The following ARHGAP26 variants were observed in gnomAD, a reference collection of about 807,000 sequenced individuals.
ARHGAP26 encodes Rho GTPase activating protein 26.
Under a neutral mutation model 104.8 loss-of-function variants are expected in ARHGAP26, and 38 were observed. The observed-to-expected ratio is 0.36, with a 90% CI of 0.28 to 0.48. The LOEUF (loss-of-function observed/expected upper bound fraction) is 0.48. Ranked by LOEUF, ARHGAP26 falls within the 20% of genes least tolerant of loss-of-function variation. The pLI is 0.99. For missense variants in ARHGAP26, 704 were observed against 947.9 expected (o/e 0.74, Z 3.38); for synonymous variants, 341 against 340.0 (o/e 1.00, Z -0.03).
At chr5:143,155,401 C>A (rs1015139617) in intron 20 of ARHGAP26, among the ~76,000 whole-genome samples, 1 of 152,218 alleles carries the variant, frequency 6.6e-6, no homozygotes, top group African/African-American at 2.4e-5. Flanking sequence ...TTTCCCTAAG[C>A]AAGATCTCAC....
chr5:143,060,010 C>T (rs1381809667), intron 17 of ARHGAP26, among the ~76,000 whole-genome samples: 1 of 152,210 alleles, frequency 6.6e-6, no homozygotes, highest in Non-Finnish European at 1.5e-5. Flanking sequence ...AATTCTTTGG[C>T]ATCCAGAGGA....
rs75594575 is a variant in ARHGAP26, at chr5:143,025,562, C to T, written c.1144+11446C>T. Among the ~76,000 whole-genome samples, 374 of 152,344 alleles carry T rather than the reference C, an allele frequency of 2.5e-3. 1 individual carries two copies. The highest frequency in any genetic ancestry group is 8.2e-3 in the African/African-American group (343 of 41,582). ...TTGAGGCCACTGTGTAATTCATTCT[C>T]AGAATGTCCAGATCCCCATGTAGGA... On this transcript the variant is annotated intron_variant, in intron 12 of 22. Transcript: ENST00000645722.
At chr5:143,001,446 A>T (rs1777178652) in intron 11 of ARHGAP26, among the ~76,000 whole-genome samples, 1 of 152,258 alleles carries the variant, frequency 6.6e-6, no homozygotes, top group South Asian at 2.1e-4. Context: ...GGACTGATGG[A>T]TGATAGAAAG....
intron 3 of ARHGAP26, among the ~76,000 whole-genome samples, chr5:142,876,761 A>C (rs1211610836): frequency 7.2e-6 from 1 of 138,618 alleles, no homozygotes; most frequent in Non-Finnish European, 1.5e-5. Flanking sequence ...TGGGCAACAG[A>C]GCAAGACCCT....
intron 14 of ARHGAP26, among the ~76,000 whole-genome samples, chr5:143,045,429 CCCTT>C (rs3996405): frequency 0.25 from 37,210 of 151,820 alleles, 8,948 homozygotes; most frequent in African/African-American, 0.62. Flanking sequence ...GGCTCTAGAC[CCCTT>C]TGAAGGGGGA....
At chr5:143,061,437 A>G (rs548417836) in intron 17 of ARHGAP26, among the ~76,000 whole-genome samples, 1 of 152,272 alleles carries the variant, frequency 6.6e-6, no homozygotes, top group Non-Finnish European at 1.5e-5. Flanking sequence ...ATTTCAAAGA[A>G]CTCTTCATAC....
At chr5:143,207,592 A>G (rs980106380) in intron 21 of ARHGAP26, 82 of 1,212,972 alleles carry the variant, frequency 6.8e-5, no homozygotes, top group Middle Eastern at 2.1e-4. Context: ...AAAAGGGACC[A>G]TTTGCATGAA....
chr5:143,159,903 A>G (rs1277148562), intron 20 of ARHGAP26, among the ~76,000 whole-genome samples: 1 of 146,196 alleles, frequency 6.8e-6, no homozygotes, highest in Non-Finnish European at 1.5e-5. Context: ...TCATTTTAAC[A>G]CTACCCTCTT....
rs3756380 is a variant in ARHGAP26, at chr5:143,062,895, A to G, written c.1538+5148A>G. On this transcript the variant is annotated intron_variant, in intron 17 of 22. Transcript: ENST00000645722. ...GAGAAGTGCTAGTTATTCATTTGCCATCAAGACTAGTCCAAATAAAATAGC... is the reference window on the plus strand; with the variant it reads ...GAGAAGTGCTAGTTATTCATTTGCCGTCAAGACTAGTCCAAATAAAATAGC... 0.041 allele frequency among the ~76,000 whole-genome samples: 6,312 copies of G among 152,322 alleles called. 839 individuals carry two copies. The East Asian group carries it at 0.52, about 13-fold the overall frequency.
intron 19 of ARHGAP26, among the ~76,000 whole-genome samples, chr5:143,138,185 G>A (rs1364028682): frequency 1.3e-5 from 2 of 152,136 alleles, no homozygotes; most frequent in Non-Finnish European, 2.9e-5. Flanking sequence ...TTTCCTAAAC[G>A]TAAAGCTGTG....
At chr5:143,134,215 T>C (rs1416892732) in intron 19 of ARHGAP26, 110 bp downstream of exon 19, 5 of 1,337,134 alleles carry the variant, frequency 3.7e-6, no homozygotes, top group Non-Finnish European at 5.0e-6. Flanking sequence ...TGGCTTTTTG[T>C]GTCCTTGAAG....
intron 2 of ARHGAP26, 21 bp from the exon 3 acceptor site, chr5:142,875,089 T>A: frequency 1.2e-6 from 2 of 1,611,644 alleles, no homozygotes; most frequent in Non-Finnish European, 1.7e-6. Context: ...TTCCACCTCA[T>A]GGCCCCTTTC....
At position 142,871,974 on chromosome 5, in the gene ARHGAP26, G is replaced by A. The variant is rs1755374866; in HGVS notation, c.155-1426G>A. On this transcript the variant is annotated intron_variant, in intron 1 of 22. Transcript: ENST00000645722. The surrounding 1 kb of genome is among the most constrained non-coding windows in gnomAD (Gnocchi z 4.1). ...GGGACCGTGTCATCACAGCGTGTGG[G>A]AGGGCAGTCCAGGAGCAGGAGCTGC... 1.3e-5 allele frequency among the ~76,000 whole-genome samples: 2 copies of A among 152,208 alleles called. No individual in the cohort carries two copies. Among genetic ancestry groups the A allele is most frequent in the Admixed American group, 6.5e-5 (1 of 15,290 alleles).
Position 142,877,040 on chromosome 5 carries a change from T to TG in ARHGAP26, c.312+1874dup, listed in dbSNP as rs370451338. ...TCTGATTCTTGGCTGAGTTAGTATT[T>TG]GGGGGTGGGGGTGTGGCAAGCAAAT... is the stretch of plus-strand genomic sequence containing the variant. On this transcript the variant is annotated intron_variant, in intron 3 of 22. Coordinates refer to ENST00000645722, the MANE Select transcript of ARHGAP26 (RefSeq NM_001135608.3). Among the ~76,000 whole-genome samples the TG allele has an allele frequency of 1.8e-3, 280 of 152,064 alleles. 2 individuals are homozygous for TG. The highest frequency in any genetic ancestry group is 6.2e-3 in the African/African-American group (257 of 41,466).
chr5:143,221,700 T>C (rs529604977), intron 22 of ARHGAP26, among the ~76,000 whole-genome samples: 1 of 152,214 alleles, frequency 6.6e-6, no homozygotes, highest in East Asian at 1.9e-4. Context: ...TTTTTGTATA[T>C]TTTGTAGAGA....
Position 143,186,687 on chromosome 5 carries a change from C to T in ARHGAP26, c.1989-20511C>T, listed in dbSNP as rs148116848. Among the ~76,000 whole-genome samples the T allele has an allele frequency of 8.7e-3, 1,332 of 152,284 alleles. 18 individuals carry two copies. The highest frequency in any genetic ancestry group is 0.029 in the African/African-American group (1,188 of 41,544). ...AGCTTTGGGCACAGGTAATTTGATA[C>T]CTGTGGACCTATTTGCCACTGGTAA... On this transcript the variant is annotated intron_variant, in intron 20 of 22. Transcript: ENST00000645722.
chr5:142,949,182 A>AGAGAGAGAGAGACAG lies in ARHGAP26; in HGVS notation c.1107+17069_1107+17070insCAGGAGAGAGAGAGA, dbSNP rs1767705052. Among the ~76,000 whole-genome samples, 2 of 16,260 alleles carry AGAGAGAGAGAGACAG rather than the reference A, an allele frequency of 1.2e-4. 1 individual carries two copies. Among genetic ancestry groups the AGAGAGAGAGAGACAG allele is most frequent in the African/African-American group, 1.4e-3 (2 of 1,464 alleles). The allele number at this position is 16,260 out of a possible 152,430, so 10.7% of individuals were successfully genotyped here. ...TGAATTTCCAGAGAGAGAGAGAGAG[A>AGAGAGAGAGAGACAG]GAGAGAGAGAGAGAGAGAGAGAGAG... On this transcript the variant is annotated intron_variant, in intron 11 of 22. Transcript: ENST00000645722.
intron 4 of ARHGAP26, among the ~76,000 whole-genome samples, chr5:142,882,053 A>AT (rs1757071058): frequency 2.0e-5 from 3 of 152,094 alleles, no homozygotes; most frequent in African/African-American, 2.4e-5. Flanking sequence ...TGAGGAAATT[A>AT]TTTTTTCCTG....
At chr5:143,154,033 G>C (rs1004699253) in intron 20 of ARHGAP26, among the ~76,000 whole-genome samples, 1 of 152,042 alleles carries the variant, frequency 6.6e-6, no homozygotes, top group Non-Finnish European at 1.5e-5. Context: ...TGCCTTCAGA[G>C]ATATCTCTCA....
Sources: gnomAD v4.1 joint callset for allele counts (sites outside exome capture counted in the v4.1 genomes callset) on GRCh38, gnomAD v4.1.1 for gene constraint, Gnocchi (gnomAD v3.1) non-coding constraint, MANE v1.5 for transcripts, NCBI Gene and HGNC (gene_info 2026-07-23, HGNC 2026-07-21) for gene names.